The following CPEB1 variants were observed in gnomAD, a reference collection of about 807,000 sequenced individuals.
The protein encoded by CPEB1 is cytoplasmic polyadenylation element binding protein 1.
In CPEB1, 7 loss-of-function variants were observed where a neutral mutation model predicts 65.8. That is an observed-to-expected ratio of 0.11 (90% CI 0.06 to 0.20). The LOEUF (loss-of-function observed/expected upper bound fraction) is 0.20, where lower values mean the gene tolerates loss of function less well. Among genes scored for constraint, CPEB1 ranks in the 10% least tolerant of loss-of-function variants. The pLI, the probability that CPEB1 is intolerant of heterozygous loss-of-function variation, is 1.00. For missense variants in CPEB1, 551 were observed against 712.2 expected (o/e 0.77, Z 2.58); for synonymous variants, 262 against 260.0 (o/e 1.01, Z -0.08).
intron 3 of CPEB1, among the ~76,000 whole-genome samples, chr15:82,589,736 T>C (rs999381524): frequency 9.9e-5 from 15 of 151,004 alleles, no homozygotes; most frequent in African/African-American, 3.6e-4. Context: ...AAAAAAAAAA[T>C]TGTATTACAG....
chr15:82,647,598 C>T (rs925585165), upstream of CPEB1: 3 of 324,678 alleles, frequency 9.2e-6, no homozygotes, highest in African/African-American at 2.2e-5. Context: ...GGCTCGGAGG[C>T]CCCACCGGCC....
At position 82,544,641 on chromosome 15, in the gene CPEB1, C is replaced by T. The variant is rs1242647902; in HGVS notation, c.1718G>A (p.Arg573His). The change falls in exon 13 of 13, where the codon CGC becomes CAC. Residue 573 changes from arginine (R) to histidine (H), a missense_variant. Coordinates refer to ENST00000684509, the MANE Select transcript of CPEB1 (RefSeq NM_001365242.1). The stretch of plus-strand genomic sequence containing the variant: ...GTTCCGCATCAGGGGGCTGTGGTGG[C>T]GCAGGCCCTCCATGCTGTGCCGCCA... The part of the protein sequence containing the change: ...WHWRHSMEGL[R>H]HHSPLMRNQK... 8 of 1,613,208 alleles carry T rather than the reference C, an allele frequency of 5.0e-6. No individual in the cohort carries two copies. The highest frequency in any genetic ancestry group is 2.7e-5 in the African/African-American group (2 of 74,920).
At chr15:82,585,310 T>C (rs2041702453) in intron 3 of CPEB1, among the ~76,000 whole-genome samples, 1 of 152,142 alleles carries the variant, frequency 6.6e-6, no homozygotes, top group Non-Finnish European at 1.5e-5. Context: ...TTCTCCAAAG[T>C]GGAAGTAATA....
intron 3 of CPEB1, among the ~76,000 whole-genome samples, chr15:82,603,878 C>T (rs1317854318): frequency 6.6e-6 from 1 of 152,154 alleles, no homozygotes; most frequent in Non-Finnish European, 1.5e-5. Flanking sequence ...ACCCGATTTC[C>T]AGACTTGCTA....
At chr15:82,627,560 T>C (rs1253746770) in intron 2 of CPEB1, among the ~76,000 whole-genome samples, 193 bp from the exon 3 acceptor site, 1 of 152,132 alleles carries the variant, frequency 6.6e-6, no homozygotes, top group African/African-American at 2.4e-5. Context: ...TCTTGGCCAA[T>C]TTGTGGAAAA....
rs748113093 is a variant in CPEB1 at position 82,571,550 on chromosome 15, A to G, written c.272-18T>C. The stretch of plus-strand genomic sequence containing the variant: ...CTGGAAGTCTGTTTTGGAAAGGAGC[A>G]CAGCAGAAACCTCAGAGTTAAGGGC... On this transcript the variant is annotated intron_variant, in intron 3 of 12. Transcript: ENST00000684509. 15 of 1,608,026 alleles carry G rather than the reference A, an allele frequency of 9.3e-6. No homozygotes were observed. The highest frequency in any genetic ancestry group is 1.7e-4 in the Middle Eastern group (1 of 6,018).
At chr15:82,634,764 C>CTTTG (rs5814122) in intron 1 of CPEB1, among the ~76,000 whole-genome samples, 51,042 of 151,738 alleles carry the variant, frequency 0.34, 8,746 homozygotes, top group South Asian at 0.44. Flanking sequence ...AACATTTAGA[C>CTTTG]TTTTTTAATT....
At chr15:82,628,092 A>G (rs1392498051) in intron 2 of CPEB1, 1 of 647,172 alleles carries the variant, frequency 1.5e-6, no homozygotes, top group Non-Finnish European at 2.7e-6. Flanking sequence ...GCTGTGGAAG[A>G]GAACCCCAAT....
intron 1 of CPEB1, among the ~76,000 whole-genome samples, chr15:82,646,822 C>T (rs1022735390): frequency 1.6e-4 from 24 of 152,260 alleles, no homozygotes; most frequent in African/African-American, 5.1e-4. Context: ...AAGGTGAGGA[C>T]CCCTTTGTGG....
intron 1 of CPEB1, among the ~76,000 whole-genome samples, chr15:82,646,800 G>C (rs2047587023): frequency 6.6e-6 from 1 of 152,138 alleles, no homozygotes; most frequent in African/African-American, 2.4e-5. Flanking sequence ...ATGACGCCGG[G>C]TGGGACACCC....
At chr15:82,590,236 A>ACC (rs1567205390) in intron 3 of CPEB1, among the ~76,000 whole-genome samples, 1 of 145,480 alleles carries the variant, frequency 6.9e-6, no homozygotes, top group African/African-American at 2.6e-5. Context: ...AAAAAAAAAA[A>ACC]AAAACAGTTG....
At chr15:82,617,587 T>C (rs2044843695) in intron 3 of CPEB1, among the ~76,000 whole-genome samples, 2 of 152,134 alleles carry the variant, frequency 1.3e-5, no homozygotes, top group Admixed American at 6.5e-5. Context: ...AGTATCAATA[T>C]TGCTTCACTA....
rs1352109212 is a variant in CPEB1 at position 82,544,721 on chromosome 15, A to C, written c.1657-19T>G. On this transcript the variant is annotated intron_variant, in intron 12 of 12. Coordinates refer to ENST00000684509, the MANE Select transcript of CPEB1 (RefSeq NM_001365242.1). ...AGCAGACCTGGGTTGGGGGAACAAAAAGGAGGATGCCATGCCTGTGTCAGC... is the reference window on the plus strand; with the variant it reads ...AGCAGACCTGGGTTGGGGGAACAAACAGGAGGATGCCATGCCTGTGTCAGC... 1.5e-5 allele frequency: 23 copies of C among 1,581,798 alleles called. No individual in the cohort carries two copies. The highest frequency in any genetic ancestry group is 1.9e-5 in the Non-Finnish European group (22 of 1,152,792).
At chr15:82,578,505 T>A (rs1235048797) in intron 3 of CPEB1, among the ~76,000 whole-genome samples, 1 of 152,172 alleles carries the variant, frequency 6.6e-6, no homozygotes, top group African/African-American at 2.4e-5. Context: ...GGTTCACACC[T>A]GTAATCCCAG....
chr15:82,600,779 C>A (rs1216240284), intron 3 of CPEB1, among the ~76,000 whole-genome samples: 3 of 151,836 alleles, frequency 2.0e-5, no homozygotes, highest in African/African-American at 7.3e-5. Context: ...AAAGAAGACT[C>A]AGTAAAGATG....
At chr15:82,562,400 A>T in intron 4 of CPEB1, 1 of 309,208 alleles carries the variant, frequency 3.2e-6, no homozygotes. Flanking sequence ...CTGCATTTTT[A>T]AAAGATCCCC....
intron 1 of CPEB1, among the ~76,000 whole-genome samples, chr15:82,642,094 T>C (rs911044998): frequency 6.6e-6 from 1 of 152,252 alleles, no homozygotes; most frequent in Non-Finnish European, 1.5e-5. Context: ...AATTGAGAAA[T>C]GCACTGTTGG....
At chr15:82,628,287 T>C (rs542968277) in intron 2 of CPEB1, 77 bp downstream of exon 2, 5 of 702,540 alleles carry the variant, frequency 7.1e-6, no homozygotes, top group East Asian at 2.7e-5. Context: ...TGAAAGAAAC[T>C]GTAGATATGA....
rs377214567 is a variant in CPEB1, at chr15:82,557,840, G to C, written c.607C>G (p.Leu203Val). 5.2e-5 allele frequency: 84 copies of C among 1,614,078 alleles called. No homozygotes were observed. The Middle Eastern group carries it at 6.6e-4, about 13-fold the overall frequency. Residue 203 changes from leucine (L) to valine (V), a missense_variant, in exon 5 of 13, where the codon CTG (leucine) becomes GTG (valine). Around this residue, in one of 6 missense-constraint regions of CPEB1, gnomAD observed 223 missense variants for 228.6 expected, o/e 0.98. Transcript: ENST00000684509. ...GAGGGGCTGCTAGATCGAGAGTCCA[G>C]GATGGGCCGGGTGTCCAGGCGTGAT... ...RGSRLDTRPI[L>V]DSRSSSPSDS...
Sources: allele counts gnomAD v4.1 joint callset (sites outside exome capture counted in the v4.1 genomes callset), GRCh38; gene constraint gnomAD v4.1.1; regional missense constraint gnomAD v4.1.1; transcripts MANE v1.5; gene names NCBI Gene and HGNC (gene_info 2026-07-23, HGNC 2026-07-21).